The following PDGFC variants were observed in gnomAD, a reference collection of about 807,000 sequenced individuals.
PDGFC encodes platelet-derived growth factor C.
PDGFC carries 12 observed loss-of-function variants against 35.5 expected under a neutral mutation model. That is an observed-to-expected ratio of 0.34 (90% CI 0.22 to 0.55). The LOEUF (loss-of-function observed/expected upper bound fraction) is 0.55, where lower values mean the gene tolerates loss of function less well. Ranked by LOEUF, PDGFC falls within the 20% of genes least tolerant of loss-of-function variation. PDGFC has a pLI of 0.91. For synonymous variants in PDGFC, 159 were observed against 148.8 expected, an observed-to-expected ratio of 1.07 and a Z score of -0.50; for missense variants, 322 against 412.4, an observed-to-expected ratio of 0.78 and a Z score of 1.90.
At chr4:156,913,722 A>G (rs568295355) in intron 1 of PDGFC, among the ~76,000 whole-genome samples, 49 of 152,230 alleles carry the variant, frequency 3.2e-4, no homozygotes, top group African/African-American at 1.1e-3. Flanking sequence ...TGGGATATGA[A>G]GTGCCTCTCC....
intron 1 of PDGFC, among the ~76,000 whole-genome samples, chr4:156,935,603 T>C (rs918657863): frequency 2.0e-5 from 3 of 152,178 alleles, no homozygotes; most frequent in Admixed American, 2.0e-4. Context: ...TGGTCCATCA[T>C]TGACCAAAAC....
At chr4:156,927,076 G>A (rs1222286587) in intron 1 of PDGFC, among the ~76,000 whole-genome samples, 2 of 152,216 alleles carry the variant, frequency 1.3e-5, no homozygotes, top group East Asian at 3.9e-4. Flanking sequence ...AAGCTGCAAG[G>A]TTTAGGGACT....
intron 1 of PDGFC, among the ~76,000 whole-genome samples, chr4:156,963,191 G>A (rs1732382087): frequency 6.6e-6 from 1 of 152,036 alleles, no homozygotes; most frequent in Admixed American, 6.6e-5. Context: ...AAGCCGGCTG[G>A]GCACAGTGGC....
At chr4:156,876,561 T>C (rs141732549) in intron 1 of PDGFC, 1 of 152,292 alleles carries the variant, frequency 6.6e-6, no homozygotes, top group African/African-American at 2.4e-5. Context: ...GCAGGGTTTA[T>C]ATATCGCATG....
At chr4:156,879,340 C>G (rs553096924) in intron 1 of PDGFC, among the ~76,000 whole-genome samples, 2 of 152,290 alleles carry the variant, frequency 1.3e-5, no homozygotes, top group South Asian at 4.1e-4. Flanking sequence ...GATATAAAAT[C>G]AATCATCCAA....
rs146224881 is a variant in PDGFC at position 156,953,703 on chromosome 4, G to GTT, written c.118+17081_118+17082dup. On this transcript the variant is annotated intron_variant, in intron 1 of 5. Transcript: ENST00000502773. ...CTTCTTACCAACAGTATGTGTGTCT[G>GTT]TTTTTGACCAAAGTGGTGAAACCCA... 3.3e-5 allele frequency among the ~76,000 whole-genome samples: 5 copies of GTT among 152,060 alleles called. No individual in the cohort carries two copies. In the East Asian group the frequency reaches 9.7e-4, roughly 30 times the overall value.
Position 156,784,843 on chromosome 4 carries a change from G to A in PDGFC, c.496-11950C>T, listed in dbSNP as rs188109024. Among the ~76,000 whole-genome samples the A allele has an allele frequency of 1.6e-4, 24 of 151,942 alleles. No individual in the cohort carries two copies. The East Asian group carries it at 1.9e-3, about 12-fold the overall frequency. Reference sequence around the variant, plus strand: ...ATTTTCCACAAGCAGTCTTAAAAGTGTCCATTTTTTCAGATCCTGTAATTC... The same window carrying A: ...ATTTTCCACAAGCAGTCTTAAAAGTATCCATTTTTTCAGATCCTGTAATTC... On this transcript the variant is annotated intron_variant, in intron 3 of 5. Transcript: ENST00000502773.
At chr4:156,879,159 T>C (rs1730185197) in intron 1 of PDGFC, among the ~76,000 whole-genome samples, 2 of 152,178 alleles carry the variant, frequency 1.3e-5, no homozygotes, top group African/African-American at 4.8e-5. Flanking sequence ...GGATTCTTTA[T>C]TGCTCTTTGA....
At chr4:156,793,106 A>G (rs1731340892) in intron 3 of PDGFC, among the ~76,000 whole-genome samples, 1 of 152,182 alleles carries the variant, frequency 6.6e-6, no homozygotes, top group African/African-American at 2.4e-5. Flanking sequence ...CATTCAATAA[A>G]TAGTTCCTAT....
intron 1 of PDGFC, among the ~76,000 whole-genome samples, chr4:156,854,919 G>GA (rs920464728): frequency 4.6e-5 from 7 of 151,824 alleles, no homozygotes; most frequent in Non-Finnish European, 1.0e-4. Flanking sequence ...AGCTTGACAT[G>GA]AAAAATGAAA....
At chr4:156,855,401 G>T (rs573581430) in intron 1 of PDGFC, among the ~76,000 whole-genome samples, 3 of 152,100 alleles carry the variant, frequency 2.0e-5, no homozygotes, top group African/African-American at 4.8e-5. Flanking sequence ...TAGCAGAAAA[G>T]AAATGGTAGA....
chr4:156,932,513 T>C (rs1220983560), intron 1 of PDGFC, among the ~76,000 whole-genome samples: 4 of 151,886 alleles, frequency 2.6e-5, no homozygotes, highest in African/African-American at 4.8e-5. Context: ...ACAACAATGA[T>C]AGACTGGATT....
rs140583117 is a variant in PDGFC, at chr4:156,898,376, C to T, written c.119-47960G>A. ...AGACTAAGGAAAAAAACAAGTTAAA[C>T]ACACTATTGGAAGTGATAACTAATA... On this transcript the variant is annotated intron_variant, in intron 1 of 5. Transcript: ENST00000502773. 3.5e-3 allele frequency among the ~76,000 whole-genome samples: 532 copies of T among 152,242 alleles called. 4 individuals are homozygous for T. Among genetic ancestry groups the T allele is most frequent in the African/African-American group, 0.012 (502 of 41,554 alleles).
chr4:156,889,654 A>G (rs909344587), intron 1 of PDGFC, among the ~76,000 whole-genome samples: 1 of 152,202 alleles, frequency 6.6e-6, no homozygotes, highest in African/African-American at 2.4e-5. Context: ...TCCACTCCAC[A>G]CAATTCTACA....
chr4:156,845,270 T>C (rs1729298890), intron 2 of PDGFC, among the ~76,000 whole-genome samples: 1 of 151,820 alleles, frequency 6.6e-6, no homozygotes, highest in African/African-American at 2.4e-5. Flanking sequence ...ATTAAGTTTA[T>C]ATGAACAATT....
intron 1 of PDGFC, among the ~76,000 whole-genome samples, chr4:156,942,116 A>G (rs1001996242): frequency 7.9e-5 from 12 of 152,006 alleles, no homozygotes; most frequent in African/African-American, 2.7e-4. Flanking sequence ...ACGAGAGGGA[A>G]AACCCCTTGT....
intron 2 of PDGFC, among the ~76,000 whole-genome samples, chr4:156,844,614 A>G (rs771846638): frequency 7.2e-5 from 11 of 152,056 alleles, no homozygotes; most frequent in Non-Finnish European, 1.6e-4. Flanking sequence ...AGGACATAAG[A>G]AAGTTGAAAG....
chr4:156,892,224 C>A (rs1331462195), intron 1 of PDGFC, among the ~76,000 whole-genome samples: 2 of 152,156 alleles, frequency 1.3e-5, no homozygotes, highest in South Asian at 2.1e-4. Context: ...TGCTGGGAAC[C>A]AATAGTGGCA....
intron 1 of PDGFC, among the ~76,000 whole-genome samples, chr4:156,965,817 A>C (rs1732452203): frequency 6.6e-6 from 1 of 152,148 alleles, no homozygotes; most frequent in Non-Finnish European, 1.5e-5. Context: ...GAGAGGAAAA[A>C]AGATAGAAAT....
Sources: gnomAD v4.1 joint callset for allele counts (sites outside exome capture counted in the v4.1 genomes callset) on GRCh38, gnomAD v4.1.1 for gene constraint, MANE v1.5 for transcripts, NCBI Gene and HGNC (gene_info 2026-07-23, HGNC 2026-07-21) for gene names.